The following NNT variants were observed in gnomAD, a reference collection of about 807,000 sequenced individuals.
The protein encoded by NNT is NAD(P) transhydrogenase, mitochondrial.
NNT carries 50 observed loss-of-function variants against 104.8 expected under a neutral mutation model. The ratio of observed to expected loss-of-function variants is 0.48; its 90% CI spans 0.38 to 0.60. NNT has a LOEUF of 0.60. NNT is among the 20% of genes least tolerant of loss of function. The pLI, the probability that NNT is intolerant of heterozygous loss-of-function variation, is 0.00. For missense variants in NNT, 1,131 were observed against 1,330.7 expected (o/e 0.85, Z 2.33); for synonymous variants, 461 against 490.4 (o/e 0.94, Z 0.79).
At chr5:43,653,246 A>G in intron 14 of NNT, 33 bp downstream of exon 14, 1 of 1,553,374 alleles carries the variant, frequency 6.4e-7, no homozygotes, top group South Asian at 1.2e-5. Context: ...CTTCATGTGA[A>G]CTCCAGTTTC....
At chr5:43,640,769 C>T (rs1487187936) in intron 7 of NNT, among the ~76,000 whole-genome samples, 2 of 150,918 alleles carry the variant, frequency 1.3e-5, no homozygotes, top group Non-Finnish European at 3.0e-5. Context: ...GTGAGCTTTT[C>T]ATCAATTTTT....
chr5:43,661,879 A>G (rs948803565), intron 17 of NNT, among the ~76,000 whole-genome samples: 7 of 152,074 alleles, frequency 4.6e-5, no homozygotes, highest in Non-Finnish European at 5.9e-5. Flanking sequence ...ATATGTGTGC[A>G]TGTGTCTTTA....
At position 43,628,196 on chromosome 5, in the gene NNT, C is replaced by T; in HGVS notation, c.777-4C>T. On this transcript the variant is annotated splice_polypyrimidine_tract_variant and splice_region_variant and intron_variant, in intron 6 of 21. Coordinates refer to ENST00000344920, the MANE Select transcript of NNT (RefSeq NM_182977.3). ...TACTCTTTCCACTTTAACAATCACC[C>T]TAGAGCTGCAGCTTTGGAACAGTTC... 2 of 1,603,682 alleles carry T rather than the reference C, an allele frequency of 1.2e-6. No homozygotes were observed. The highest frequency in any genetic ancestry group is 1.7e-6 in the Non-Finnish European group (2 of 1,175,696).
chr5:43,690,366 A>G (rs926249909), intron 19 of NNT, among the ~76,000 whole-genome samples: 20 of 152,264 alleles, frequency 1.3e-4, no homozygotes, highest in African/African-American at 4.1e-4. Flanking sequence ...ACTAATACAG[A>G]TTTTAAATGT....
Position 43,677,771 on chromosome 5 carries a change from G to C in NNT, c.2841G>C (p.Leu947Phe), listed in dbSNP as rs1741497043. 1.9e-6 allele frequency: 3 copies of C among 1,613,726 alleles called. No individual in the cohort carries two copies. The highest frequency in any genetic ancestry group is 2.2e-5 in the East Asian group (1 of 44,874). Reference protein sequence around the residue: ...AAKAQYPIADLVKMLTEQGKK... With the variant: ...AAKAQYPIADFVKMLTEQGKK... ...AAGCTCAATACCCCATTGCTGATTT[G>C]GTAAAGATGCTCACTGAGCAAGGCA... The change falls in exon 19 of 22, where the codon TTG (leucine) becomes TTC (phenylalanine). Residue 947 changes from leucine to phenylalanine, a missense_variant. By Grantham distance (22) the Leu-to-Phe change is conservative (BLOSUM62 0). Coordinates refer to ENST00000344920, the MANE Select transcript of NNT (RefSeq NM_182977.3).
At chr5:43,688,243 A>G (rs1240994806) in intron 19 of NNT, among the ~76,000 whole-genome samples, 1 of 152,092 alleles carries the variant, frequency 6.6e-6, no homozygotes, top group East Asian at 1.9e-4. Flanking sequence ...TGTAATCACT[A>G]GGGTCATTAT....
At chr5:43,695,991 A>G (rs1742537609) in intron 19 of NNT, among the ~76,000 whole-genome samples, 1 of 152,022 alleles carries the variant, frequency 6.6e-6, no homozygotes. Flanking sequence ...GACACAGCCA[A>G]ACTGTATCAT....
At position 43,648,398 on chromosome 5, in the gene NNT, A is replaced by G. The variant is rs144366588; in HGVS notation, c.1445-749A>G. 12 of 189,438 alleles carry G rather than the reference A, an allele frequency of 6.3e-5. No individual in the cohort carries two copies. In the East Asian group the frequency reaches 2.0e-3, roughly 31 times the overall value. 11.7% of individuals were successfully genotyped at this position (189,438 alleles called of 1,614,324 possible). A position where few individuals can be genotyped will look rare whatever the true frequency, so the allele number is the denominator to read the frequency against. ...TAACACTTTCTTCTGTTGCAGAACAACTGTCCACATGTTTGCTATCAAGGA... is the reference window on the plus strand; with the variant it reads ...TAACACTTTCTTCTGTTGCAGAACAGCTGTCCACATGTTTGCTATCAAGGA... On this transcript the variant is annotated intron_variant, in intron 10 of 21. Transcript: ENST00000344920.
In NNT at chr5:43,631,606, G is replaced by A. The variant is rs1196115448; in HGVS notation, c.964+3219G>A. Among the ~76,000 whole-genome samples, 6 of 152,288 alleles carry A rather than the reference G, an allele frequency of 3.9e-5. No individual in the cohort carries two copies. The East Asian group carries it at 1.2e-3, about 29-fold the overall frequency. ...TCAACTCATACTCTAAAGAGCTAGG[G>A]ATAATTTGAATAGAGTATATAGATT... On this transcript the variant is annotated intron_variant, in intron 7 of 21. Transcript: ENST00000344920.
chr5:43,645,594 G>A, intron 10 of NNT, 84 bp downstream of exon 10: 3 of 677,644 alleles, frequency 4.4e-6, no homozygotes, highest in Non-Finnish European at 4.0e-6. Flanking sequence ...TATATGTGTA[G>A]CTATATATAC....
Position 43,644,822 on chromosome 5 carries a change from C to G in NNT, c.1290+20C>G, listed in dbSNP as rs1043799056. On this transcript the variant is annotated intron_variant, in intron 9 of 21. Coordinates refer to ENST00000344920, the MANE Select transcript of NNT (RefSeq NM_182977.3). ...ATGAAAGTAAGTAAAGAGATCTATT[C>G]CTTCCTTTGCTTTTAATGTAAATTT... 2 of 1,538,322 alleles carry G rather than the reference C, an allele frequency of 1.3e-6. No individual in the cohort carries two copies. Among genetic ancestry groups the G allele is most frequent in the Non-Finnish European group, 1.8e-6 (2 of 1,134,684 alleles).
chr5:43,693,285 T>C (rs1742384091), intron 19 of NNT, among the ~76,000 whole-genome samples: 1 of 152,206 alleles, frequency 6.6e-6, no homozygotes, highest in South Asian at 2.1e-4. Flanking sequence ...ATAATGCATT[T>C]TCTTTCTAAA....
In NNT at chr5:43,609,958, C is replaced by G. The variant is rs1749418563; in HGVS notation, c.151+612C>G. Among the ~76,000 whole-genome samples the G allele has an allele frequency of 1.3e-5, 2 of 152,182 alleles. 1 individual carries two copies. The highest frequency in any genetic ancestry group is 2.9e-5 in the Non-Finnish European group (2 of 68,024). Reference sequence around the variant, plus strand: ...CTAAATGTCTCTGTGCTTTTTACCTCTGCCCCCTACAGTCTGTTCTGCACA... The same window carrying G: ...CTAAATGTCTCTGTGCTTTTTACCTGTGCCCCCTACAGTCTGTTCTGCACA... On this transcript the variant is annotated intron_variant, in intron 2 of 21. Coordinates refer to ENST00000344920, the MANE Select transcript of NNT (RefSeq NM_182977.3).
rs535312285 is a variant in NNT at position 43,644,949 on chromosome 5, A to G, written c.1290+147A>G. 8 of 617,022 alleles carry G rather than the reference A, an allele frequency of 1.3e-5. No individual in the cohort carries two copies. The East Asian group carries it at 2.4e-4, about 18-fold the overall frequency. 38.2% of individuals were successfully genotyped at this position (617,022 alleles called of 1,614,324 possible). ...TTTATGCTGATAAAAATTATTTGTA[A>G]ATGCAGAATGATTTAAAGAAAAATA... On this transcript the variant is annotated intron_variant, in intron 9 of 21. Coordinates refer to ENST00000344920, the MANE Select transcript of NNT (RefSeq NM_182977.3).
intron 2 of NNT, among the ~76,000 whole-genome samples, chr5:43,612,260 T>C (rs142149201): frequency 1.2e-4 from 19 of 152,334 alleles, no homozygotes; most frequent in Middle Eastern, 3.4e-3. Context: ...CTGGCCAACA[T>C]AGAGCGTCCT....
intron 17 of NNT, among the ~76,000 whole-genome samples, chr5:43,669,719 C>T (rs567298434): frequency 2.6e-5 from 4 of 152,302 alleles, no homozygotes; most frequent in African/African-American, 4.8e-5. Context: ...CGATGTTCAT[C>T]GAGGATATTG....
At chr5:43,661,567 C>A (rs868413040) in intron 17 of NNT, among the ~76,000 whole-genome samples, 3 of 117,004 alleles carry the variant, frequency 2.6e-5, no homozygotes, top group African/African-American at 3.3e-5. Flanking sequence ...CCCCTCCCCC[C>A]ACCCCACCAC....
intron 14 of NNT, 59 bp from the exon 15 acceptor site, chr5:43,655,781 T>C (rs1031306214): frequency 8.5e-6 from 10 of 1,175,362 alleles, no homozygotes; most frequent in Non-Finnish European, 1.1e-5. Flanking sequence ...GTGATCTTTG[T>C]TGTGGTTACT....
At chr5:43,688,363 G>C (rs529796229) in intron 19 of NNT, among the ~76,000 whole-genome samples, 3 of 152,250 alleles carry the variant, frequency 2.0e-5, no homozygotes, top group Non-Finnish European at 4.4e-5. Context: ...GCAGAAGCTG[G>C]AAAAGGCATG....
Sources: gnomAD v4.1 joint callset for allele counts (sites outside exome capture counted in the v4.1 genomes callset) on GRCh38, gnomAD v4.1.1 for gene constraint, MANE v1.5 for transcripts, NCBI Gene and HGNC (gene_info 2026-07-23, HGNC 2026-07-21) for gene names.